The following DAB1 variants were observed in gnomAD, a reference collection of about 807,000 sequenced individuals.
DAB1 encodes DAB adaptor protein 1.
A neutral mutation model predicts 64.6 loss-of-function variants in DAB1; 15 were observed. The observed-to-expected ratio is 0.23, with a 90% CI of 0.16 to 0.36. DAB1 has a LOEUF of 0.36. DAB1 is among the 10% of genes least tolerant of loss of function. The pLI is 1.00. For missense variants in DAB1, 596 were observed against 706.7 expected, an observed-to-expected ratio of 0.84 and a Z score of 1.78; for synonymous variants, 235 against 251.9, an observed-to-expected ratio of 0.93 and a Z score of 0.64.
Position 57,690,955 on chromosome 1 carries a change from T to A in DAB1, n.552-41290A>T, listed in dbSNP as rs1025647781. Among the ~76,000 whole-genome samples the A allele has an allele frequency of 5.3e-5, 8 of 152,220 alleles. No homozygotes were observed. In the South Asian group the frequency reaches 1.4e-3, roughly 28 times the overall value. ...TTTGTGCATCTTCTTTTGAGAAGTG[T>A]CTATTTAAGTCTTTTGCCCATTTTA... On this transcript the variant is annotated intron_variant and non_coding_transcript_variant, in intron 6 of 20. Coordinates refer to the DAB1 transcript ENST00000485760.
chr1:57,381,078 T>TC (rs1043945261), intron 1 of DAB1, among the ~76,000 whole-genome samples: 1 of 152,106 alleles, frequency 6.6e-6, no homozygotes, highest in African/African-American at 2.4e-5. Context: ...ACCTCATGTT[T>TC]CCCTGTCATT....
chr1:58,418,977 T>A (rs184170646), intron 3 of DAB1, among the ~76,000 whole-genome samples: 5 of 152,258 alleles, frequency 3.3e-5, no homozygotes, highest in Non-Finnish European at 7.4e-5. Flanking sequence ...ATTATGGAGA[T>A]AGATGTTAGG....
At chr1:57,098,923 C>G (rs1215248807) in intron 4 of DAB1, among the ~76,000 whole-genome samples, 1 of 152,056 alleles carries the variant, frequency 6.6e-6, no homozygotes, top group Non-Finnish European at 1.5e-5. Context: ...TTATTTTTAC[C>G]AGAATAGTCA....
chr1:58,258,719 A>C (rs1660987694), intron 4 of DAB1, among the ~76,000 whole-genome samples: 1 of 152,212 alleles, frequency 6.6e-6, no homozygotes, highest in South Asian at 2.1e-4. Flanking sequence ...CAACACTGAC[A>C]TCATTAATTG....
intron 3 of DAB1, among the ~76,000 whole-genome samples, chr1:58,493,168 CAT>C (rs1645730522): frequency 6.6e-6 from 1 of 152,170 alleles, no homozygotes; most frequent in Non-Finnish European, 1.5e-5. Flanking sequence ...AGAAAAACCA[CAT>C]GATTATCTCA....
intron 5 of DAB1, among the ~76,000 whole-genome samples, chr1:57,998,670 GACAA>G (rs1002509207): frequency 3.9e-5 from 6 of 152,016 alleles, no homozygotes; most frequent in Admixed American, 6.5e-5. Flanking sequence ...GTTTTAATGT[GACAA>G]ACAGAGATAA....
chr1:58,378,003 G>C (rs901203523), intron 3 of DAB1, among the ~76,000 whole-genome samples: 1 of 141,132 alleles, frequency 7.1e-6, no homozygotes, highest in Non-Finnish European at 1.6e-5. Context: ...TCTTCACATA[G>C]TTCTCAAGCC....
chr1:57,882,726 A>G (rs1557535152), intron 1 of DAB1, among the ~76,000 whole-genome samples: 1 of 152,208 alleles, frequency 6.6e-6, no homozygotes, highest in African/African-American at 2.4e-5. Flanking sequence ...AGACAAAACC[A>G]TAGAGACTTA....
At position 57,228,944 on chromosome 1, in the gene DAB1, A is replaced by C. The variant is rs184543670; in HGVS notation, c.67+62020T>G. On this transcript the variant is annotated intron_variant, in intron 2 of 14. Transcript: ENST00000371236. ...GGAACTACTTATATCAGCATGAATAAATCTCACAGAAAATGTTGAGCCAAA... is the reference window on the plus strand; with the variant it reads ...GGAACTACTTATATCAGCATGAATACATCTCACAGAAAATGTTGAGCCAAA... Among the ~76,000 whole-genome samples, 32 of 152,350 alleles carry C rather than the reference A, an allele frequency of 2.1e-4. No homozygotes were observed. In the East Asian group the frequency reaches 6.0e-3, roughly 28 times the overall value.
intron 7 of DAB1, among the ~76,000 whole-genome samples, chr1:57,504,401 G>A (rs1366013754): frequency 6.6e-6 from 1 of 152,084 alleles, no homozygotes; most frequent in Non-Finnish European, 1.5e-5. Context: ...ACCCAATGAT[G>A]CGGTATGTCA....
chr1:57,036,842 T>C (rs1299271516), intron 9 of DAB1, among the ~76,000 whole-genome samples: 1 of 152,218 alleles, frequency 6.6e-6, no homozygotes, highest in East Asian at 1.9e-4. Flanking sequence ...CTTCCTATAA[T>C]CTCTTTTCAA....
chr1:57,860,988 C>T (rs1653994242), intron 1 of DAB1: 1 of 152,164 alleles, frequency 6.6e-6, no homozygotes, highest in South Asian at 2.1e-4. Context: ...CATGGGGTGA[C>T]CTGTTGAGCA....
chr1:58,171,728 C>G (rs999015441), intron 4 of DAB1, among the ~76,000 whole-genome samples: 1 of 152,228 alleles, frequency 6.6e-6, no homozygotes, highest in African/African-American at 2.4e-5. Flanking sequence ...GGCCCAAGAT[C>G]TAGGCCACTT....
intron 1 of DAB1, among the ~76,000 whole-genome samples, chr1:57,322,898 G>A (rs1675836561): frequency 6.6e-6 from 1 of 152,080 alleles, no homozygotes; most frequent in African/African-American, 2.4e-5. Context: ...TCTGTGGGTG[G>A]GGCCCAAGCA....
At chr1:57,558,293 A>G (rs1448023498) in intron 7 of DAB1, among the ~76,000 whole-genome samples, 1 of 152,146 alleles carries the variant, frequency 6.6e-6, no homozygotes, top group Non-Finnish European at 1.5e-5. Context: ...GCCTGAGGCA[A>G]CAGTGATTAC....
chr1:57,829,208 G>T (rs955058383), intron 1 of DAB1, among the ~76,000 whole-genome samples: 1 of 152,064 alleles, frequency 6.6e-6, no homozygotes, highest in Non-Finnish European at 1.5e-5. Flanking sequence ...ATTTAAAAGT[G>T]AATTATGAGA....
At chr1:57,695,352 GAAAA>G (rs1557427711) in intron 6 of DAB1, among the ~76,000 whole-genome samples, 13 of 52,972 alleles carry the variant, frequency 2.5e-4, no homozygotes, top group African/African-American at 7.3e-4. Context: ...AAGAAAGAAA[GAAAA>G]GAAAGAAGAA....
At chr1:57,894,137 G>A (rs1446100898) in intron 5 of DAB1, among the ~76,000 whole-genome samples, 2 of 152,198 alleles carry the variant, frequency 1.3e-5, no homozygotes, top group Admixed American at 6.5e-5. Flanking sequence ...ACCCCAGGTC[G>A]AAAGGTCAAA....
At chr1:57,585,567 C>T (rs1645369209) in intron 7 of DAB1, among the ~76,000 whole-genome samples, 1 of 152,280 alleles carries the variant, frequency 6.6e-6, no homozygotes, top group African/African-American at 2.4e-5. Flanking sequence ...TCTTCACAGT[C>T]CCAATCACTC....
Sources: gnomAD v4.1 joint callset for allele counts (sites outside exome capture counted in the v4.1 genomes callset) on GRCh38, gnomAD v4.1.1 for gene constraint, MANE v1.5 for transcripts, NCBI Gene and HGNC (gene_info 2026-07-23, HGNC 2026-07-21) for gene names.